The following TSPAN3 variants were observed in gnomAD, a reference collection of about 807,000 sequenced individuals.
TSPAN3 encodes the protein tetraspanin-3.
TSPAN3 carries 9 observed loss-of-function variants against 31.1 expected under a neutral mutation model. The ratio of observed to expected loss-of-function variants is 0.29; its 90% CI spans 0.17 to 0.50. The LOEUF (loss-of-function observed/expected upper bound fraction) is 0.50, where lower values mean the gene tolerates loss of function less well. TSPAN3 is among the 20% of genes least tolerant of loss of function. The probability of loss-of-function intolerance (pLI) is 0.98; values close to 1 mark genes in which losing one functional copy is unlikely to be tolerated. For missense variants in TSPAN3, 252 were observed against 313.5 expected, an observed-to-expected ratio of 0.80 and a Z score of 1.48; for synonymous variants, 129 against 114.3, an observed-to-expected ratio of 1.13 and a Z score of -0.82.
rs2076682886 is a variant in TSPAN3, at chr15:77,045,196, G to C, written c.*1639C>G. 6.6e-6 allele frequency: 1 copy of C among 151,980 alleles called. No individual in the cohort carries two copies. Among genetic ancestry groups the C allele is most frequent in the Non-Finnish European group, 1.5e-5 (1 of 68,056 alleles). The allele number at this position is 151,980 out of a possible 1,614,324, so 9.4% of individuals were successfully genotyped here. A position where few individuals can be genotyped will look rare whatever the true frequency, so the allele number is the denominator to read the frequency against. On this transcript the variant is annotated 3_prime_UTR_variant, in exon 7 of 7. Coordinates refer to ENST00000267970, the MANE Select transcript of TSPAN3 (RefSeq NM_005724.6). ...CCCAGTTGACTGAGCCAGAAACCTGGGACTCATCCTAGATGAGTCTTCTCT... is the reference window on the plus strand; with the variant it reads ...CCCAGTTGACTGAGCCAGAAACCTGCGACTCATCCTAGATGAGTCTTCTCT...
intron 1 of TSPAN3, among the ~76,000 whole-genome samples, chr15:77,059,325 G>A (rs1309572469): frequency 7.2e-5 from 11 of 152,168 alleles, no homozygotes; most frequent in Admixed American, 5.2e-4. Flanking sequence ...CTCGTGATCC[G>A]CCCGCCTCGG....
chr15:77,055,928 T>A, intron 2 of TSPAN3, 65 bp from the exon 3 acceptor site: 1 of 1,539,572 alleles, frequency 6.5e-7, no homozygotes, highest in African/African-American at 1.4e-5. Flanking sequence ...CACTCTTGAT[T>A]TAAAAAAAGT....
chr15:77,066,527 G>A (rs540996575), intron 1 of TSPAN3, among the ~76,000 whole-genome samples: 112 of 117,876 alleles, frequency 9.5e-4, no homozygotes, highest in African/African-American at 3.4e-3. Context: ...AGCCAAGATC[G>A]CACCACTGCA....
Position 77,044,486 on chromosome 15 carries a change from A to T in TSPAN3, c.*2349T>A, listed in dbSNP as rs2076677576. ...TGTGCCAGGAATTAAACACAAGTTAAAACTGGCAGGAGCTGGAATGGTTTC... is the reference window on the plus strand; with the variant it reads ...TGTGCCAGGAATTAAACACAAGTTATAACTGGCAGGAGCTGGAATGGTTTC... On this transcript the variant is annotated 3_prime_UTR_variant, in exon 7 of 7. Transcript: ENST00000267970. 1.3e-5 allele frequency: 2 copies of T among 152,342 alleles called. No homozygotes were observed. The highest frequency in any genetic ancestry group is 4.8e-5 in the African/African-American group (2 of 41,564). The allele number at this position is 152,342 out of a possible 1,614,324, so 9.4% of individuals were successfully genotyped here. A position where few individuals can be genotyped will look rare whatever the true frequency, so the allele number is the denominator to read the frequency against.
At chr15:77,054,495 A>T (rs572864603) in intron 3 of TSPAN3, 150 of 349,172 alleles carry the variant, frequency 4.3e-4, no homozygotes, top group African/African-American at 2.9e-3. Flanking sequence ...CATATACCAC[A>T]TACATTCAAG....
At chr15:77,061,247 G>C (rs748961858) in intron 1 of TSPAN3, among the ~76,000 whole-genome samples, 3 of 152,122 alleles carry the variant, frequency 2.0e-5, no homozygotes, top group South Asian at 2.1e-4. Context: ...TAAAATCTGG[G>C]CCAGGCGCAG....
chr15:77,062,761 G>A (rs1158243612), intron 1 of TSPAN3, among the ~76,000 whole-genome samples: 1 of 152,216 alleles, frequency 6.6e-6, no homozygotes, highest in African/African-American at 2.4e-5. Context: ...TCATCGAGAT[G>A]TTGTAATGAA....
At chr15:77,070,587 G>C (rs188987305) in intron 1 of TSPAN3, among the ~76,000 whole-genome samples, 2,663 of 151,720 alleles carry the variant, frequency 0.018, 69 homozygotes, top group African/African-American at 0.061. Flanking sequence ...GACTCCGGGG[G>C]GGGGAGACTG....
At chr15:77,057,861 G>T (rs938145050) in intron 1 of TSPAN3, among the ~76,000 whole-genome samples, 1 of 152,048 alleles carries the variant, frequency 6.6e-6, no homozygotes, top group Non-Finnish European at 1.5e-5. Context: ...ATTTCCATCT[G>T]CAAGTTCCAG....
rs2076690659 is a variant in TSPAN3 at position 77,046,322 on chromosome 15, T to C, written c.*513A>G. ...CGCCATATGATCCTACAATCTATTT[T>C]AGTCATTTTGTACAGCTGCTATCTT... On this transcript the variant is annotated 3_prime_UTR_variant, in exon 7 of 7. Transcript: ENST00000267970. The C allele has an allele frequency of 1.0e-5, 4 of 400,350 alleles. No homozygotes were observed. Among genetic ancestry groups the C allele is most frequent in the Non-Finnish European group, 1.3e-5 (3 of 226,936 alleles). 24.8% of individuals were successfully genotyped at this position (400,350 alleles called of 1,614,324 possible).
chr15:77,051,231 G>A (rs1412477862), intron 6 of TSPAN3, among the ~76,000 whole-genome samples: 2 of 151,952 alleles, frequency 1.3e-5, no homozygotes, highest in African/African-American at 2.4e-5. Context: ...TCAGGCTTAA[G>A]AAAGCATAAG....
intron 1 of TSPAN3, among the ~76,000 whole-genome samples, chr15:77,069,218 T>A (rs2076851746): frequency 6.6e-6 from 1 of 152,246 alleles, no homozygotes; most frequent in African/African-American, 2.4e-5. Context: ...TGAGAATTAA[T>A]GACTTAATCA....
intron 1 of TSPAN3, among the ~76,000 whole-genome samples, chr15:77,058,044 T>C (rs2076778841): frequency 6.6e-6 from 1 of 152,098 alleles, no homozygotes; most frequent in African/African-American, 2.4e-5. Flanking sequence ...ATCACAAAAC[T>C]TCAACTTTAC....
intron 1 of TSPAN3, chr15:77,068,158 T>A: frequency 6.6e-6 from 1 of 152,216 alleles, no homozygotes; most frequent in Non-Finnish European, 1.5e-5. Flanking sequence ...TTGGGAGACA[T>A]ACCTAATGCT....
chr15:77,051,971 G>C (rs1338257828), intron 6 of TSPAN3, among the ~76,000 whole-genome samples: 4 of 152,144 alleles, frequency 2.6e-5, no homozygotes, highest in Non-Finnish European at 5.9e-5. Context: ...GAACTAGAGG[G>C]AGAACTAGCA....
In TSPAN3 at chr15:77,059,629, GT is replaced by G. The variant is rs572622544; in HGVS notation, c.64-3375del. Among the ~76,000 whole-genome samples the G allele has an allele frequency of 5.3e-5, 8 of 151,874 alleles. No individual in the cohort carries two copies. In the South Asian group the frequency reaches 1.2e-3, roughly 24 times the overall value. On this transcript the variant is annotated intron_variant, in intron 1 of 6. Transcript: ENST00000267970. ...GTTTCTCTATCCTTTAATGTTGTAGGTTTTTTTTACTCTAAAAGGCAGTATT... is the reference window on the plus strand; with the variant it reads ...GTTTCTCTATCCTTTAATGTTGTAGGTTTTTTTACTCTAAAAGGCAGTATT...
intron 3 of TSPAN3, 29 bp from the exon 4 acceptor site, chr15:77,054,308 CA>C: frequency 6.8e-7 from 1 of 1,464,246 alleles, no homozygotes; most frequent in Non-Finnish European, 9.6e-7. Context: ...TTCAGTCCCT[CA>C]AAAATACTAG....
At chr15:77,069,778 G>C (rs2076855309) in intron 1 of TSPAN3, 1 of 152,462 alleles carries the variant, frequency 6.6e-6, no homozygotes, top group South Asian at 2.1e-4. Context: ...AGCTGAATGG[G>C]GAGGAGGAAG....
chr15:77,062,872 T>C (rs2076808487), intron 1 of TSPAN3, among the ~76,000 whole-genome samples: 1 of 152,180 alleles, frequency 6.6e-6, no homozygotes, highest in African/African-American at 2.4e-5. Context: ...AATAATATGC[T>C]TGTGGTGTGA....
Sources: allele counts gnomAD v4.1 joint callset (sites outside exome capture counted in the v4.1 genomes callset), GRCh38; gene constraint gnomAD v4.1.1; transcripts MANE v1.5; gene names NCBI Gene and HGNC (gene_info 2026-07-23, HGNC 2026-07-21).